The following PTPN2 variants were observed in gnomAD, a reference collection of about 807,000 sequenced individuals.
PTPN2 encodes protein tyrosine phosphatase non-receptor type 2, also known as tyrosine-protein phosphatase non-receptor type 2.
PTPN2 carries 19 observed loss-of-function variants against 57.3 expected under a neutral mutation model. The observed-to-expected ratio is 0.33, with a 90% CI of 0.23 to 0.49. The LOEUF (loss-of-function observed/expected upper bound fraction) is 0.49, where lower values mean the gene tolerates loss of function less well. Among genes scored for constraint, PTPN2 ranks in the 20% least tolerant of loss-of-function variants. The probability of loss-of-function intolerance (pLI) is 0.99; values close to 1 mark genes in which losing one functional copy is unlikely to be tolerated. For synonymous variants in PTPN2, 153 were observed against 164.9 expected (o/e 0.93, Z 0.55); for missense variants, 358 against 501.1 (o/e 0.71, Z 2.73).
At chr18:12,866,361 C>T (rs1194147577) in intron 1 of PTPN2, among the ~76,000 whole-genome samples, 3 of 151,904 alleles carry the variant, frequency 2.0e-5, no homozygotes, top group Non-Finnish European at 2.9e-5. Context: ...TGGCGTGAAC[C>T]CAGGAGGCGG....
intron 1 of PTPN2, among the ~76,000 whole-genome samples, chr18:12,881,980 C>A (rs974165357): frequency 6.6e-6 from 1 of 152,114 alleles, no homozygotes; most frequent in Non-Finnish European, 1.5e-5. Context: ...CAATGAGGCC[C>A]CAAAAGAATA....
intron 1 of PTPN2, among the ~76,000 whole-genome samples, chr18:12,861,556 T>C (rs1189522885): frequency 1.3e-5 from 2 of 152,234 alleles, no homozygotes; most frequent in East Asian, 1.9e-4. Flanking sequence ...TTTTAATTAA[T>C]TTTGTAGTTT....
chr18:12,796,166 AG>A (rs2041175429), intron 8 of PTPN2, among the ~76,000 whole-genome samples: 2 of 152,238 alleles, frequency 1.3e-5, no homozygotes, highest in Admixed American at 1.3e-4. Context: ...AGAAAAAGGC[AG>A]GGAACAGTTC....
exon 10 of PTPN2, chr18:12,785,813 G>T (rs753674016): frequency 1.9e-6 from 3 of 1,609,916 alleles, no homozygotes; most frequent in Non-Finnish European, 1.7e-6. Context: ...ATATTCTCAA[G>T]TCATGAATAT....
rs1330938080 is a variant in PTPN2 at position 12,794,111 on chromosome 18, A to G, written c.*167T>C. On this transcript the variant is annotated 3_prime_UTR_variant, in exon 9 of 9. Coordinates refer to ENST00000309660, the MANE Select transcript of PTPN2 (RefSeq NM_002828.4). ...TGGGGTTCAGAGGAACCTGCAGTCA[A>G]GAGTCCTGAGATGTTGGGCTTGTGA... 6.9e-7 allele frequency: 1 copy of G among 1,439,602 alleles called. No individual in the cohort carries two copies. Among genetic ancestry groups the G allele is most frequent in the Non-Finnish European group, 9.1e-7 (1 of 1,102,176 alleles). The allele number at this position is 1,439,602 out of a possible 1,614,324, so 89.2% of individuals were successfully genotyped here.
At chr18:12,846,527 T>C (rs958512601) in intron 2 of PTPN2, among the ~76,000 whole-genome samples, 6 of 152,246 alleles carry the variant, frequency 3.9e-5, no homozygotes, top group African/African-American at 1.2e-4. Context: ...GGACTCAGCT[T>C]GGCTTCTACA....
intron 3 of PTPN2, among the ~76,000 whole-genome samples, chr18:12,835,347 T>C (rs1266305474): frequency 1.3e-5 from 2 of 148,266 alleles, no homozygotes; most frequent in Non-Finnish European, 3.0e-5. Flanking sequence ...TCTGATGCGT[T>C]AAAATAAGAC....
intron 5 of PTPN2, chr18:12,821,224 C>A (rs768781617): frequency 4.6e-5 from 7 of 152,130 alleles, no homozygotes; most frequent in Non-Finnish European, 7.4e-5. Flanking sequence ...ACTTACCTTA[C>A]AAAACTGTTG....
intron 2 of PTPN2, among the ~76,000 whole-genome samples, chr18:12,838,946 A>T (rs1598824851): frequency 1.3e-5 from 2 of 152,040 alleles, no homozygotes; most frequent in East Asian, 3.8e-4. Context: ...AAGGAGAAAT[A>T]AAACTTTAAA....
At position 12,830,838 on chromosome 18, in the gene PTPN2, T is replaced by C; in HGVS notation, c.360+105A>G. 3 of 842,882 alleles carry C rather than the reference T, an allele frequency of 3.6e-6. 1 individual carries two copies. The Admixed American group carries it at 6.8e-5, about 19-fold the overall frequency. 52.2% of individuals were successfully genotyped at this position (842,882 alleles called of 1,614,324 possible). Reference sequence around the variant, plus strand: ...CACTTTGACCGCTAGCCTTTAGCAATTAAAGGCCAAAACTAAGGAATGAAT... The same window carrying C: ...CACTTTGACCGCTAGCCTTTAGCAACTAAAGGCCAAAACTAAGGAATGAAT... On this transcript the variant is annotated intron_variant, in intron 4 of 8. Transcript: ENST00000309660.
chr18:12,816,947 C>G (rs1012080249), intron 6 of PTPN2, among the ~76,000 whole-genome samples: 1 of 152,056 alleles, frequency 6.6e-6, no homozygotes, highest in Non-Finnish European at 1.5e-5. Flanking sequence ...TTAGGGATCT[C>G]TAAAATCATC....
At chr18:12,796,235 A>C (rs563963995) in intron 8 of PTPN2, among the ~76,000 whole-genome samples, 1 of 152,320 alleles carries the variant, frequency 6.6e-6, no homozygotes, top group South Asian at 2.1e-4. Context: ...TCTTTGATTA[A>C]TCTTGAAATA....
Position 12,792,182 on chromosome 18 carries a change from C to G in PTPN2, c.*2096G>C. The G allele has an allele frequency of 2.2e-6, 2 of 899,172 alleles. No individual in the cohort carries two copies. Among genetic ancestry groups the G allele is most frequent in the Non-Finnish European group, 2.7e-6 (2 of 750,686 alleles). The allele number at this position is 899,172 out of a possible 1,614,324, so 55.7% of individuals were successfully genotyped here. On this transcript the variant is annotated 3_prime_UTR_variant, in exon 9 of 9. Coordinates refer to ENST00000309660, the MANE Select transcript of PTPN2 (RefSeq NM_002828.4). ...TATAAATCTTATTTAATATGTAGTA[C>G]CACCTACATCCTGCTTTCATACTTT...
intron 3 of PTPN2, among the ~76,000 whole-genome samples, chr18:12,834,877 T>C (rs894647240): frequency 6.6e-6 from 1 of 152,188 alleles, no homozygotes; most frequent in African/African-American, 2.4e-5. Context: ...TATTTTTTAA[T>C]GTAATTAGTT....
At chr18:12,823,092 T>C (rs2145340830) in intron 5 of PTPN2, among the ~76,000 whole-genome samples, 1 of 152,332 alleles carries the variant, frequency 6.6e-6, no homozygotes, top group Middle Eastern at 3.4e-3. Flanking sequence ...CTGCCTCTCA[T>C]ACTGAAATGC....
At chr18:12,870,267 A>ATATGTGTGTGTG (rs1555679382) in intron 1 of PTPN2, among the ~76,000 whole-genome samples, 2 of 96,374 alleles carry the variant, frequency 2.1e-5, no homozygotes, top group African/African-American at 1.2e-4. Flanking sequence ...GCATATATAT[A>ATATGTGTGTGTG]TATATGTATA....
intron 2 of PTPN2, among the ~76,000 whole-genome samples, chr18:12,849,399 A>C (rs1249378923): frequency 1.3e-5 from 2 of 152,184 alleles, no homozygotes; most frequent in Admixed American, 1.3e-4. Context: ...TCTCTACTGA[A>C]AATACAAAAA....
At chr18:12,875,584 A>C (rs2044460702) in intron 1 of PTPN2, among the ~76,000 whole-genome samples, 1 of 152,218 alleles carries the variant, frequency 6.6e-6, no homozygotes. Flanking sequence ...TTAAGAAAAA[A>C]CTACCTTAAT....
intron 2 of PTPN2, 89 bp from the exon 3 acceptor site, chr18:12,836,980 C>T (rs1189396210): frequency 2.5e-6 from 2 of 787,500 alleles, no homozygotes; most frequent in East Asian, 5.6e-5. Flanking sequence ...TATAAAAAGA[C>T]AGAAGAAATA....
Sources: allele counts gnomAD v4.1 joint callset (sites outside exome capture counted in the v4.1 genomes callset), GRCh38; gene constraint gnomAD v4.1.1; transcripts MANE v1.5; gene names NCBI Gene and HGNC (gene_info 2026-07-23, HGNC 2026-07-21).